RNF144A: variants seen among roughly 807,000 people sequenced by gnomAD.
RNF144A encodes the protein E3 ubiquitin-protein ligase RNF144A.
A neutral mutation model predicts 38.7 loss-of-function variants in RNF144A; 11 were observed. That is an observed-to-expected ratio of 0.28 (90% confidence interval 0.18 to 0.47). RNF144A has a LOEUF of 0.47. Among genes scored for constraint, RNF144A ranks in the 20% least tolerant of loss-of-function variants. The probability of loss-of-function intolerance (pLI) is 0.99; values close to 1 mark genes in which losing one functional copy is unlikely to be tolerated. For missense variants in RNF144A, 316 were observed against 377.2 expected (o/e 0.84, Z 1.34); for synonymous variants, 149 against 143.9 (o/e 1.04, Z -0.25).
chr2:7,001,961 A>G (rs577361253), intron 3 of RNF144A, among the ~76,000 whole-genome samples: 49 of 152,212 alleles, frequency 3.2e-4, no homozygotes, highest in Non-Finnish European at 5.9e-4. Flanking sequence ...AAATGGGGCA[A>G]TGGGTATAAA....
At chr2:7,072,680 G>T (rs1306030977), downstream of RNF144A, among the ~76,000 whole-genome samples, 1 of 152,136 alleles carries the variant, frequency 6.6e-6, no homozygotes, top group Non-Finnish European at 1.5e-5. Context: ...GAAGGCAATG[G>T]CAACGTCTCC....
chr2:7,040,572 C>T lies in RNF144A; in HGVS notation c.*812C>T, dbSNP rs1374553500. ...GTGATTCAGCTCAGCTCATGGGCCTCATCCCTTCTCTCCCAGGTAGCAGAA... is the reference window on the plus strand; with the variant it reads ...GTGATTCAGCTCAGCTCATGGGCCTTATCCCTTCTCTCCCAGGTAGCAGAA... On this transcript the variant is annotated 3_prime_UTR_variant, in exon 9 of 9. Transcript: ENST00000320892. The T allele has an allele frequency of 1.0e-6, 1 of 985,352 alleles. No individual in the cohort carries two copies. Among genetic ancestry groups the T allele is most frequent in the East Asian group, 1.1e-4 (1 of 8,830 alleles). The allele number at this position is 985,352 out of a possible 1,614,324, so 61.0% of individuals were successfully genotyped here. A position where few individuals can be genotyped will look rare whatever the true frequency, so the allele number is the denominator to read the frequency against.
At chr2:7,063,626 G>C (rs981853424) in intron 6 of RNF144A, among the ~76,000 whole-genome samples, 1 of 152,090 alleles carries the variant, frequency 6.6e-6, no homozygotes, top group Non-Finnish European at 1.5e-5. Context: ...CAAGGCAGCT[G>C]ACCAACATTA....
Position 7,039,740 on chromosome 2 carries a change from G to A in RNF144A, c.859G>A (p.Asp287Asn). The A allele has an allele frequency of 2.5e-6, 4 of 1,613,646 alleles. No individual in the cohort carries two copies. The highest frequency in any genetic ancestry group is 1.1e-5 in the South Asian group (1 of 91,050). Reference sequence around the variant, plus strand: ...CAAGTGCAAGTGCAGTAAAGGTGACGACGACCCGTTACCCACCTAGAGGAA... The same window carrying A: ...CAAGTGCAAGTGCAGTAAAGGTGACAACGACCCGTTACCCACCTAGAGGAA... The part of the protein sequence containing the change: ...CCKCKCSKGD[D>N]DPLPT Residue 287 changes from aspartate to asparagine, a missense_variant, in exon 9 of 9, where the codon GAC (aspartate) becomes AAC (asparagine). Physicochemically the swap from Asp to Asn is conservative, Grantham distance 23. Coordinates refer to ENST00000320892, the MANE Select transcript of RNF144A (RefSeq NM_014746.6).
intron 2 of RNF144A, among the ~76,000 whole-genome samples, chr2:6,954,806 A>G (rs1666897827): frequency 6.6e-6 from 1 of 152,250 alleles, no homozygotes; most frequent in Non-Finnish European, 1.5e-5. Context: ...CATGTGACAC[A>G]CTTTGCAAAT....
At chr2:6,936,604 T>A (rs1232697051) in intron 1 of RNF144A, among the ~76,000 whole-genome samples, 1 of 152,146 alleles carries the variant, frequency 6.6e-6, no homozygotes, top group Non-Finnish European at 1.5e-5. Flanking sequence ...AGACACACAC[T>A]TGGTGAAAGA....
At chr2:6,928,549 C>T (rs554118455) in intron 1 of RNF144A, among the ~76,000 whole-genome samples, 7 of 152,340 alleles carry the variant, frequency 4.6e-5, no homozygotes, top group East Asian at 3.9e-4. Flanking sequence ...GAATACTAGA[C>T]GTGCCCCCAG....
At chr2:7,011,587 A>G (rs536753346) in intron 3 of RNF144A, among the ~76,000 whole-genome samples, 10 of 152,334 alleles carry the variant, frequency 6.6e-5, no homozygotes, top group African/African-American at 2.4e-4. Context: ...AACATAGGTA[A>G]TGCAATTCAC....
intron 8 of RNF144A, among the ~76,000 whole-genome samples, chr2:7,038,150 T>C (rs1323965948): frequency 6.6e-6 from 1 of 152,252 alleles, no homozygotes; most frequent in African/African-American, 2.4e-5. Flanking sequence ...ACAGTCAGTA[T>C]TGGGCTTTAG....
At chr2:7,063,393 A>G (rs309270) in intron 6 of RNF144A, among the ~76,000 whole-genome samples, 53,958 of 151,850 alleles carry the variant, frequency 0.36, 10,638 homozygotes, top group South Asian at 0.56. Context: ...GTTAGATGGG[A>G]GTGATTATGG....
chr2:7,064,502 A>C (rs1052556848), intron 6 of RNF144A, among the ~76,000 whole-genome samples: 8 of 152,300 alleles, frequency 5.3e-5, no homozygotes, highest in African/African-American at 9.6e-5. Flanking sequence ...AGGCTAACCC[A>C]AGGAGGGACA....
At chr2:6,961,367 C>A (rs140207644) in intron 2 of RNF144A, among the ~76,000 whole-genome samples, 179 of 149,892 alleles carry the variant, frequency 1.2e-3, no homozygotes, top group African/African-American at 4.0e-3. Flanking sequence ...GTTTTATTTT[C>A]CAGATTGAAT....
chr2:7,043,374 G>C lies in RNF144A; in HGVS notation c.*3614G>C. The C allele has an allele frequency of 1.0e-6, 1 of 984,904 alleles. No individual in the cohort carries two copies. Among genetic ancestry groups the C allele is most frequent in the South Asian group, 4.7e-5 (1 of 21,272 alleles). 61.0% of individuals were successfully genotyped at this position (984,904 alleles called of 1,614,324 possible). On this transcript the variant is annotated 3_prime_UTR_variant, in exon 9 of 9. Coordinates refer to ENST00000320892, the MANE Select transcript of RNF144A (RefSeq NM_014746.6). ...CAAATTAAAAAAACATTTTTTTCTT[G>C]GTAGTCTTTAAAAATTAGGGGATTG...
At chr2:7,016,104 T>TAAAAAAAAAAAAA (rs35418947) in intron 5 of RNF144A, among the ~76,000 whole-genome samples, 1 of 115,142 alleles carries the variant, frequency 8.7e-6, no homozygotes, top group African/African-American at 3.2e-5. Context: ...ACCCCGTCTC[T>TAAAAAAAAAAAAA]AAAAAAAAAA....
chr2:6,978,183 A>G (rs558287105), intron 2 of RNF144A, among the ~76,000 whole-genome samples: 2 of 152,310 alleles, frequency 1.3e-5, no homozygotes, highest in Middle Eastern at 6.8e-3. Flanking sequence ...GAATGACAGG[A>G]AGCTCCTAAC....
At chr2:7,001,667 A>T (rs2103398672) in intron 3 of RNF144A, among the ~76,000 whole-genome samples, 1 of 152,360 alleles carries the variant, frequency 6.6e-6, no homozygotes, top group Non-Finnish European at 1.5e-5. Context: ...GCAGAGCAAG[A>T]CCCTGTCTCA....
At chr2:6,942,721 C>T (rs112826808) in intron 2 of RNF144A, among the ~76,000 whole-genome samples, 21 of 152,290 alleles carry the variant, frequency 1.4e-4, no homozygotes, top group African/African-American at 3.4e-4. Context: ...CGGTGGCTCA[C>T]GCCTGTAATC....
intron 2 of RNF144A, among the ~76,000 whole-genome samples, chr2:6,996,574 GA>G (rs1669756599): frequency 6.6e-6 from 1 of 152,108 alleles, no homozygotes; most frequent in African/African-American, 2.4e-5. Context: ...CTAACATGGT[GA>G]AACCCCATCT....
intron 6 of RNF144A, among the ~76,000 whole-genome samples, chr2:7,024,147 A>T (rs1671716378): frequency 6.6e-6 from 1 of 152,184 alleles, no homozygotes; most frequent in Admixed American, 6.5e-5. Context: ...GTAATTTTTT[A>T]AAAATTTTTC....
Sources: allele counts gnomAD v4.1 joint callset (sites outside exome capture counted in the v4.1 genomes callset), GRCh38; gene constraint gnomAD v4.1.1; transcripts MANE v1.5; gene names NCBI Gene and HGNC (gene_info 2026-07-23, HGNC 2026-07-21).